The following OGDH variants were observed in gnomAD, a reference collection of about 807,000 sequenced individuals.
The protein encoded by OGDH is oxoglutarate dehydrogenase.
In OGDH, 38 loss-of-function variants were observed where a neutral mutation model predicts 116.6. The observed-to-expected ratio is 0.33, with a 90% CI of 0.25 to 0.43. OGDH has a LOEUF of 0.43. Ranked by LOEUF, OGDH falls within the 20% of genes least tolerant of loss-of-function variation. The probability of loss-of-function intolerance (pLI) is 1.00; values close to 1 mark genes in which losing one functional copy is unlikely to be tolerated. For synonymous variants in OGDH, 488 were observed against 533.3 expected, an observed-to-expected ratio of 0.92 and a Z score of 1.17; for missense variants, 825 against 1,357.2, an observed-to-expected ratio of 0.61 and a Z score of 6.16.
In OGDH at chr7:44,707,354, T is replaced by C. The variant is rs1486536827; in HGVS notation, c.2762T>C (p.Met921Thr). ...ACCCGGGAGCGCAAAGCACGCGACA[T>C]GGTGGGGCAGGTGGCCATCACAAGG... Reference protein sequence around the residue: ...DLTRERKARDMVGQVAITRIE... With the variant: ...DLTRERKARDTVGQVAITRIE... The change falls in exon 21 of 23, where the codon ATG becomes ACG. Residue 921 changes from methionine (M) to threonine (T), a missense_variant. Physicochemically the swap from Met to Thr is moderately conservative, Grantham distance 81. Coordinates refer to ENST00000222673, the MANE Select transcript of OGDH (RefSeq NM_002541.4). This position sits in a 1 kb window ranked among gnomAD's most constrained non-coding sequence, Gnocchi z 5.2. The C allele has an allele frequency of 5.0e-6, 8 of 1,614,220 alleles. No homozygotes were observed. The Admixed American group carries it at 5.0e-5, about 10-fold the overall frequency.
chr7:44,626,626 G>T (rs893094915), intron 2 of OGDH, among the ~76,000 whole-genome samples: 1 of 152,172 alleles, frequency 6.6e-6, no homozygotes, highest in African/African-American at 2.4e-5. Flanking sequence ...ATGGGTAAAA[G>T]GTGCACTCTG....
intron 4 of OGDH, among the ~76,000 whole-genome samples, chr7:44,651,766 T>TG (rs58077749): frequency 0.25 from 38,014 of 151,670 alleles, 7,652 homozygotes; most frequent in African/African-American, 0.55. Flanking sequence ...TTCACCATGT[T>TG]GCCAGGCTGA....
chr7:44,674,477 A>G lies in OGDH; in HGVS notation c.855A>G (p.Val285=), dbSNP rs770889817. ...GCTTTGGTCTAGAAGGCTGCGAGGTACTGATCCCTGCCCTCAAGACCATCA... is the reference window on the plus strand; with the variant it reads ...GCTTTGGTCTAGAAGGCTGCGAGGTGCTGATCCCTGCCCTCAAGACCATCA... ...EKRFGLEGCE[V]LIPALKTIID... The change falls in exon 7 of 23, where the codon GTA becomes GTG. Residue 285 remains valine, a synonymous_variant. Transcript: ENST00000222673. 1 of 1,614,146 alleles carries G rather than the reference A, an allele frequency of 6.2e-7. No homozygotes were observed. Among genetic ancestry groups the G allele is most frequent in the Non-Finnish European group, 8.5e-7 (1 of 1,180,000 alleles).
In OGDH at chr7:44,606,627, A is replaced by G. The variant is rs1386546701; in HGVS notation, c.-54A>G. On this transcript the variant is annotated 5_prime_UTR_variant, in exon 1 of 23. Coordinates refer to ENST00000222673, the MANE Select transcript of OGDH (RefSeq NM_002541.4). The stretch of plus-strand genomic sequence containing the variant: ...CCCCGGAGTGGGGTGTCGGCGCCTC[A>G]TTCGGGTGGAGCTGAGCCGGAGACA... The G allele has an allele frequency of 6.6e-6, 1 of 152,242 alleles. No individual in the cohort carries two copies. Among genetic ancestry groups the G allele is most frequent in the Non-Finnish European group, 1.5e-5 (1 of 68,076 alleles). 9.4% of individuals were successfully genotyped at this position (152,242 alleles called of 1,614,324 possible). A position where few individuals can be genotyped will look rare whatever the true frequency, so the allele number is the denominator to read the frequency against.
chr7:44,677,492 A>G (rs933777893), intron 9 of OGDH, among the ~76,000 whole-genome samples: 4 of 152,146 alleles, frequency 2.6e-5, no homozygotes, highest in African/African-American at 9.7e-5. Flanking sequence ...AAGAGCAAAG[A>G]TGTAGGGGGA....
chr7:44,674,561 C>T lies in OGDH; in HGVS notation c.935+4C>T, dbSNP rs375316538. On this transcript the variant is annotated splice_donor_region_variant and intron_variant, in intron 7 of 22. Coordinates refer to ENST00000222673, the MANE Select transcript of OGDH (RefSeq NM_002541.4). The stretch of plus-strand genomic sequence containing the variant: ...TGATCATGGGCATGCCACACAGGTA[C>T]AGCCAAGGGCGCGCCCAACCTGGTT... 12 of 1,613,896 alleles carry T rather than the reference C, an allele frequency of 7.4e-6. No individual in the cohort carries two copies. The highest frequency in any genetic ancestry group is 1.7e-4 in the Middle Eastern group (1 of 5,916).
chr7:44,611,301 C>T (rs1176614401), intron 1 of OGDH, among the ~76,000 whole-genome samples: 1 of 151,920 alleles, frequency 6.6e-6, no homozygotes, highest in Non-Finnish European at 1.5e-5. Context: ...CGCTCTGTCG[C>T]CCAGGCTGGA....
intron 2 of OGDH, among the ~76,000 whole-genome samples, chr7:44,635,056 T>C (rs997051055): frequency 9.2e-5 from 14 of 151,834 alleles, no homozygotes; most frequent in African/African-American, 3.4e-4. Flanking sequence ...TTGGAAGGAG[T>C]GGTAGAGGTC....
chr7:44,683,450 T>C (rs1391140155), intron 10 of OGDH, among the ~76,000 whole-genome samples: 1 of 152,118 alleles, frequency 6.6e-6, no homozygotes, highest in Non-Finnish European at 1.5e-5. Context: ...AGGCTGCTCT[T>C]GAACTCCTGG....
chr7:44,619,997 A>G (rs1174280079), intron 1 of OGDH, among the ~76,000 whole-genome samples: 1 of 152,106 alleles, frequency 6.6e-6, no homozygotes, highest in Non-Finnish European at 1.5e-5. Flanking sequence ...CTTTCTTAAT[A>G]AGTTCTTTGA....
chr7:44,625,531 A>T (rs1230070008), intron 2 of OGDH, among the ~76,000 whole-genome samples: 1 of 152,184 alleles, frequency 6.6e-6, no homozygotes, highest in Non-Finnish European at 1.5e-5. Context: ...CAGCCTCCTG[A>T]AGGAATTGGG....
intron 4 of OGDH, among the ~76,000 whole-genome samples, chr7:44,651,621 G>A (rs577116587): frequency 3.5e-4 from 54 of 152,132 alleles, no homozygotes; most frequent in Admixed American, 8.5e-4. Flanking sequence ...GAGTGCAATG[G>A]CACCATCTCG....
intron 2 of OGDH, among the ~76,000 whole-genome samples, chr7:44,627,863 G>A (rs567089842): frequency 6.6e-6 from 1 of 152,192 alleles, no homozygotes; most frequent in African/African-American, 2.4e-5. Context: ...TTTTAGTAGA[G>A]ACGGGGTTTC....
intron 6 of OGDH, 21 bp from the exon 7 acceptor site, chr7:44,674,390 G>A (rs780791628): frequency 8.1e-6 from 13 of 1,613,792 alleles, no homozygotes; most frequent in Non-Finnish European, 1.1e-5. Context: ...GCCCTTCAAG[G>A]TGGCTTGGTT....
rs184764957 is a variant in OGDH, at chr7:44,693,749, C to A, written c.1336-76C>A. 8 of 1,373,978 alleles carry A rather than the reference C, an allele frequency of 5.8e-6. No individual in the cohort carries two copies. In the African/African-American group the frequency reaches 1.0e-4, roughly 17 times the overall value. 85.1% of individuals were successfully genotyped at this position (1,373,978 alleles called of 1,614,324 possible). ...CCAGATGGCAAGTGCATGCCATGCC[C>A]GGCCTCAGCCCCGCCCTCTGGTCCC... On this transcript the variant is annotated intron_variant, in intron 10 of 22. Coordinates refer to ENST00000222673, the MANE Select transcript of OGDH (RefSeq NM_002541.4).
chr7:44,670,820 C>A (rs1787404638), intron 5 of OGDH, among the ~76,000 whole-genome samples: 1 of 151,798 alleles, frequency 6.6e-6, no homozygotes, highest in African/African-American at 2.4e-5. Context: ...ACCATCCTAG[C>A]TAACACAGTG....
At chr7:44,616,806 T>C (rs201692136) in intron 1 of OGDH, among the ~76,000 whole-genome samples, 2,023 of 80,824 alleles carry the variant, frequency 0.025, 21 homozygotes, top group African/African-American at 0.046. Flanking sequence ...TGTATATATA[T>C]GCATATATAC....
chr7:44,676,624 AT>A (rs1175770615), intron 9 of OGDH: 6 of 165,944 alleles, frequency 3.6e-5, no homozygotes, highest in Non-Finnish European at 7.2e-5. Flanking sequence ...GTATATATAT[AT>A]ATATATATAT....
chr7:44,628,437 T>A (rs935093296), intron 2 of OGDH, among the ~76,000 whole-genome samples: 7 of 148,026 alleles, frequency 4.7e-5, no homozygotes, highest in African/African-American at 1.7e-4. Context: ...TCCTTATTTT[T>A]AATTTTATTT....
Sources: allele counts gnomAD v4.1 joint callset (sites outside exome capture counted in the v4.1 genomes callset), GRCh38; gene constraint gnomAD v4.1.1; non-coding constraint Gnocchi (gnomAD v3.1); transcripts MANE v1.5; gene names NCBI Gene and HGNC (gene_info 2026-07-23, HGNC 2026-07-21).